SETD3: variants seen among roughly 807,000 people sequenced by gnomAD.
SETD3 encodes actin-histidine N-methyltransferase.
In SETD3, 19 loss-of-function variants were observed where a neutral mutation model predicts 63.0. The ratio of observed to expected loss-of-function variants is 0.30; its 90% CI spans 0.21 to 0.44. SETD3 has a LOEUF of 0.44. SETD3 is among the 20% of genes least tolerant of loss of function. The pLI, the probability that SETD3 is intolerant of heterozygous loss-of-function variation, is 1.00. For synonymous variants in SETD3, 286 were observed against 264.1 expected (o/e 1.08, Z -0.80); for missense variants, 587 against 728.5 (o/e 0.81, Z 2.24).
At chr14:99,448,501 C>T (rs969326792) in intron 6 of SETD3, among the ~76,000 whole-genome samples, 1 of 152,200 alleles carries the variant, frequency 6.6e-6, no homozygotes, top group Non-Finnish European at 1.5e-5. Context: ...CTCCAGCCAA[C>T]CTAGATGAAC....
intron 1 of SETD3, among the ~76,000 whole-genome samples, chr14:99,475,544 T>C (rs774241592): frequency 3.9e-5 from 6 of 152,274 alleles, no homozygotes; most frequent in Non-Finnish European, 8.8e-5. Flanking sequence ...CCATCCTCTC[T>C]GACCTGTCAG....
In SETD3 at chr14:99,474,339, A is replaced by C. The variant is rs8004451; in HGVS notation, c.-9+6389T>G. ...GACTCTGTTTCAAAAATAAATAAAT[A>C]AATTAAATAAATAAAAGAACTGATG... On this transcript the variant is annotated intron_variant, in intron 1 of 12. Transcript: ENST00000331768. Among the ~76,000 whole-genome samples the C allele has an allele frequency of 1.6e-4, 25 of 151,934 alleles. No homozygotes were observed. In the East Asian group the frequency reaches 4.7e-3, roughly 28 times the overall value.
chr14:99,425,076 T>C, intron 6 of SETD3, among the ~76,000 whole-genome samples: 1 of 152,108 alleles, frequency 6.6e-6, no homozygotes, highest in East Asian at 1.9e-4. Flanking sequence ...ATGGACTAAA[T>C]CACAGCAAAC....
chr14:99,460,772 G>A (rs375823016), intron 4 of SETD3, among the ~76,000 whole-genome samples: 41 of 152,246 alleles, frequency 2.7e-4, no homozygotes, highest in African/African-American at 9.4e-4. Flanking sequence ...CCATTTCAGT[G>A]AGCTCCTAGT....
chr14:99,410,964 C>T (rs923362024), intron 8 of SETD3, among the ~76,000 whole-genome samples: 7 of 152,162 alleles, frequency 4.6e-5, no homozygotes, highest in African/African-American at 1.2e-4. Flanking sequence ...AAGAAAATCT[C>T]GTCTTAAAAG....
chr14:99,481,106 G>T (rs929450847), upstream of SETD3: 6 of 261,646 alleles, frequency 2.3e-5, no homozygotes, highest in Non-Finnish European at 4.3e-5. Context: ...CCCCGCCAGA[G>T]CTTTGATTGG....
rs1034363165 is a variant in SETD3, at chr14:99,430,467, A to G, written c.676-16533T>C. Among the ~76,000 whole-genome samples the G allele has an allele frequency of 8.5e-5, 13 of 152,364 alleles. No homozygotes were observed. The East Asian group carries it at 2.3e-3, about 27-fold the overall frequency. On this transcript the variant is annotated intron_variant, in intron 6 of 12. Coordinates refer to ENST00000331768, the MANE Select transcript of SETD3 (RefSeq NM_032233.3). ...ATAATTTCATGTTTTTAAAATAGGG[A>G]AAAAAGTCAAAGGTTTCTGACACCA...
chr14:99,447,450 T>C (rs754678514), intron 6 of SETD3, among the ~76,000 whole-genome samples: 7 of 152,372 alleles, frequency 4.6e-5, no homozygotes, highest in Non-Finnish European at 8.8e-5. Flanking sequence ...TTTTCATTTA[T>C]GGAAATGATG....
At chr14:99,451,310 G>A (rs1894447193) in intron 6 of SETD3, among the ~76,000 whole-genome samples, 1 of 152,094 alleles carries the variant, frequency 6.6e-6, no homozygotes, top group Non-Finnish European at 1.5e-5. Flanking sequence ...TCCACCATGA[G>A]CCCTCTCTTC....
intron 1 of SETD3, among the ~76,000 whole-genome samples, chr14:99,468,883 C>T (rs1895541425): frequency 6.6e-6 from 1 of 152,184 alleles, no homozygotes; most frequent in South Asian, 2.1e-4. Context: ...GGACATACAG[C>T]CTAGGCCTCA....
chr14:99,473,595 G>A lies in SETD3; in HGVS notation c.-9+7133C>T, dbSNP rs72704581. Among the ~76,000 whole-genome samples, 311 of 152,294 alleles carry A rather than the reference G, an allele frequency of 2.0e-3. 1 individual carries two copies. Among genetic ancestry groups the A allele is most frequent in the Non-Finnish European group, 3.5e-3 (235 of 68,024 alleles). ...ATTGACCCAACTTCACAGCTGGGTT[G>A]ACTAAGGGAGGGAATGGTCCTAAGG... On this transcript the variant is annotated intron_variant, in intron 1 of 12. Coordinates refer to ENST00000331768, the MANE Select transcript of SETD3 (RefSeq NM_032233.3).
At chr14:99,416,138 A>C (rs891482692) in intron 6 of SETD3, among the ~76,000 whole-genome samples, 1 of 152,204 alleles carries the variant, frequency 6.6e-6, no homozygotes, top group Non-Finnish European at 1.5e-5. Flanking sequence ...TTTAATTTTG[A>C]AAATAAATGG....
chr14:99,434,739 C>T (rs1300279652), intron 6 of SETD3, among the ~76,000 whole-genome samples: 5 of 149,082 alleles, frequency 3.4e-5, no homozygotes, highest in Non-Finnish European at 7.4e-5. Context: ...CCCAGCTACT[C>T]GGGAGGCTAA....
chr14:99,442,685 G>C (rs558787955), intron 6 of SETD3, among the ~76,000 whole-genome samples: 34 of 152,302 alleles, frequency 2.2e-4, no homozygotes, highest in African/African-American at 7.2e-4. Context: ...TTGTAATACA[G>C]TATGTAATAC....
intron 6 of SETD3, among the ~76,000 whole-genome samples, chr14:99,440,526 G>A (rs1951142): frequency 0.42 from 63,673 of 151,934 alleles, 13,846 homozygotes; most frequent in East Asian, 0.56. Context: ...AGGGGAGGGC[G>A]ATTCACTGGA....
At chr14:99,420,559 G>A (rs887215854) in intron 6 of SETD3, among the ~76,000 whole-genome samples, 4 of 152,066 alleles carry the variant, frequency 2.6e-5, no homozygotes, top group African/African-American at 9.7e-5. Context: ...TCCAGCCCAT[G>A]TGGGCACCCC....
chr14:99,409,092 A>T (rs560738017), intron 8 of SETD3, among the ~76,000 whole-genome samples: 1 of 152,252 alleles, frequency 6.6e-6, no homozygotes, highest in South Asian at 2.1e-4. Context: ...AGGGGCAGCC[A>T]CCCGATGTCA....
intron 6 of SETD3, among the ~76,000 whole-genome samples, chr14:99,450,290 A>T (rs1373918714): frequency 2.0e-5 from 3 of 152,206 alleles, no homozygotes; most frequent in Non-Finnish European, 4.4e-5. Flanking sequence ...CAGAGTTCTA[A>T]ATGTAGATGA....
chr14:99,420,320 G>C (rs1031206005), intron 6 of SETD3, among the ~76,000 whole-genome samples: 8 of 152,218 alleles, frequency 5.3e-5, no homozygotes, highest in African/African-American at 1.9e-4. Flanking sequence ...CTTGCTCAGT[G>C]CCTCATTCAA....
Sources: gnomAD v4.1 joint callset for allele counts (sites outside exome capture counted in the v4.1 genomes callset) on GRCh38, gnomAD v4.1.1 for gene constraint, MANE v1.5 for transcripts, NCBI Gene and HGNC (gene_info 2026-07-23, HGNC 2026-07-21) for gene names.